The following PAPLN variants were observed in gnomAD, a reference collection of about 807,000 sequenced individuals.
The protein encoded by PAPLN is papilin, proteoglycan like sulfated glycoprotein, also known as papilin.
Under a neutral mutation model 159.0 loss-of-function variants are expected in PAPLN, and 146 were observed. The ratio of observed to expected loss-of-function variants is 0.92; its 90% CI spans 0.80 to 1.05. PAPLN has a LOEUF of 1.05. PAPLN is among the 50% of genes least tolerant of loss of function. The probability of loss-of-function intolerance (pLI) is 0.00; values close to 1 mark genes in which losing one functional copy is unlikely to be tolerated. For synonymous variants in PAPLN, 734 were observed against 702.9 expected (o/e 1.04, Z -0.70); for missense variants, 1,720 against 1,743.9 (o/e 0.99, Z 0.24).
chr14:73,269,079 A>C (rs1887474062), intron 26 of PAPLN, among the ~76,000 whole-genome samples: 1 of 152,190 alleles, frequency 6.6e-6, no homozygotes, highest in African/African-American at 2.4e-5. Flanking sequence ...CTTAAGGCAG[A>C]CCACTAAAAT....
At chr14:73,272,271 T>C (rs1887800958) in intron 26 of PAPLN, 1 of 400,022 alleles carries the variant, frequency 2.5e-6, no homozygotes, top group Middle Eastern at 6.6e-4. Flanking sequence ...CAAATAATAA[T>C]GGGAGGACCA....
chr14:73,241,975 C>T (rs965748385), intron 2 of PAPLN, among the ~76,000 whole-genome samples: 15 of 152,182 alleles, frequency 9.9e-5, no homozygotes, highest in South Asian at 2.1e-4. Context: ...GGGCGCCTAG[C>T]GCAGCATGAG....
At chr14:73,239,934 A>C in intron 2 of PAPLN, 102 bp downstream of exon 2, 1 of 1,455,300 alleles carries the variant, frequency 6.9e-7, no homozygotes, top group Non-Finnish European at 9.0e-7. Flanking sequence ...GGGCGATGTC[A>C]GGGAAGCTGG....
intron 2 of PAPLN, 57 bp from the exon 3 acceptor site, chr14:73,244,587 G>A: frequency 7.1e-7 from 1 of 1,410,300 alleles, no homozygotes; most frequent in Non-Finnish European, 9.8e-7. Flanking sequence ...CTTTGGAGGG[G>A]CCTCTGGGCT....
chr14:73,261,023 T>C, intron 17 of PAPLN, 133 bp from the exon 18 acceptor site: 1 of 1,480,976 alleles, frequency 6.8e-7, no homozygotes, highest in East Asian at 2.4e-5. Flanking sequence ...TCATCCAACA[T>C]TCTCCTGGCC....
chr14:73,264,623 A>G lies in PAPLN; in HGVS notation c.3022A>G (p.Ser1008Gly). 1 of 1,603,538 alleles carries G rather than the reference A, an allele frequency of 6.2e-7. No individual in the cohort carries two copies. The highest frequency in any genetic ancestry group is 8.5e-7 in the Non-Finnish European group (1 of 1,177,398). ...DMAVLSEAEL[S>G]RFPQPRDPAQ... ...GGCCGTGCTGTCTGAGGCTGAGCTG[A>G]GCCGCTTCCCTCAGCCCAGGGACCC... Residue 1008 changes from serine to glycine, a missense_variant, in exon 22 of 27, where the codon AGC (serine) becomes GGC (glycine). By Grantham distance (56) the Ser-to-Gly change is moderately conservative (BLOSUM62 0). Coordinates refer to ENST00000644200, the MANE Select transcript of PAPLN (RefSeq NM_001365906.3).
chr14:73,264,433 G>T (rs1420745150), intron 21 of PAPLN, 98 bp downstream of exon 21: 79 of 1,536,780 alleles, frequency 5.1e-5, no homozygotes, highest in Non-Finnish European at 6.8e-5. Flanking sequence ...CGCTAGAGGG[G>T]CCCAGGGTGT....
chr14:73,246,835 C>G (rs1222013773), intron 5 of PAPLN: 1 of 152,028 alleles, frequency 6.6e-6, no homozygotes, highest in East Asian at 1.9e-4. Flanking sequence ...CTGTGCTAAT[C>G]TCTGTATCGT....
Position 73,244,526 on chromosome 14 carries a change from G to A in PAPLN, c.55-118G>A, listed in dbSNP as rs1883969553. On this transcript the variant is annotated intron_variant, in intron 2 of 26. Transcript: ENST00000644200. ...TGAGTCCTAAAGGTGGGCCCTGGAA[G>A]GGAGAATCCCAGACTCCTTGATGGG... The A allele has an allele frequency of 8.5e-6, 7 of 825,166 alleles. No individual in the cohort carries two copies. The East Asian group carries it at 1.6e-4, about 19-fold the overall frequency. The allele number at this position is 825,166 out of a possible 1,614,324, so 51.1% of individuals were successfully genotyped here.
At chr14:73,270,154 C>T (rs1038338541) in intron 26 of PAPLN, among the ~76,000 whole-genome samples, 2 of 152,210 alleles carry the variant, frequency 1.3e-5, no homozygotes, top group African/African-American at 4.8e-5. Context: ...CCGCCTTGAC[C>T]TCTGTCCGGG....
chr14:73,260,223 G>A (rs177390), intron 16 of PAPLN, among the ~76,000 whole-genome samples: 1,887 of 152,274 alleles, frequency 0.012, 46 homozygotes, highest in African/African-American at 0.042. Context: ...TGAGGGTGAA[G>A]TGCATCACAG....
At chr14:73,244,560 G>A (rs1240149843) in intron 2 of PAPLN, 84 bp from the exon 3 acceptor site, 8 of 1,182,494 alleles carry the variant, frequency 6.8e-6, no homozygotes, top group South Asian at 5.3e-5. Context: ...GGTAGGGGAG[G>A]GTTTTAGGCA....
rs1886426670 is a variant in PAPLN at position 73,260,410 on chromosome 14, A to G, written c.1986-299A>G. Among the ~76,000 whole-genome samples the G allele has an allele frequency of 2.0e-5, 3 of 152,156 alleles. No homozygotes were observed. In the East Asian group the frequency reaches 5.8e-4, roughly 29 times the overall value. On this transcript the variant is annotated intron_variant, in intron 16 of 26. Coordinates refer to ENST00000644200, the MANE Select transcript of PAPLN (RefSeq NM_001365906.3). ...TGAACTGACATTTGGTCAGGCTCAG[A>G]TGAACATCCCCCTTCTTTGTTTTGT...
At position 73,259,013 on chromosome 14, in the gene PAPLN, C is replaced by A. The variant is rs1167333107; in HGVS notation, c.1662C>A (p.Ala554=). The part of the protein sequence containing the change: ...VPSMQDVHTP[A]SNPWMPLGPQ... ...GCATGCAGGATGTGCACACCCCTGC[C>A]AGCAACCCCTGGATGCCGTTGGGCC... The change falls in exon 15 of 27, where the codon GCC becomes GCA. Residue 554 remains alanine (A), a synonymous_variant. Transcript: ENST00000644200. The A allele has an allele frequency of 6.2e-7, 1 of 1,612,882 alleles. No homozygotes were observed. The highest frequency in any genetic ancestry group is 1.7e-5 in the Admixed American group (1 of 59,868).
intron 7 of PAPLN, among the ~76,000 whole-genome samples, 164 bp from the exon 8 acceptor site, chr14:73,251,322 C>T (rs764242617): frequency 5.3e-5 from 8 of 152,182 alleles, no homozygotes; most frequent in Admixed American, 3.9e-4. Flanking sequence ...TTTTGTACTG[C>T]GGCCTCTTCT....
intron 12 of PAPLN, among the ~76,000 whole-genome samples, chr14:73,254,167 G>C (rs1254194901): frequency 1.3e-5 from 2 of 152,216 alleles, no homozygotes; most frequent in African/African-American, 4.8e-5. Flanking sequence ...CAGGATCCCA[G>C]GGCAGGGCAG....
intron 5 of PAPLN, among the ~76,000 whole-genome samples, chr14:73,247,825 T>C (rs1884668850): frequency 7.7e-6 from 1 of 130,378 alleles, no homozygotes; most frequent in African/African-American, 2.8e-5. Flanking sequence ...TGTGTGTGTG[T>C]GTGTGTGTGT....
At position 73,245,669 on chromosome 14, in the gene PAPLN, C is replaced by A; in HGVS notation, c.204C>A (p.Ala68=). Reference sequence around the variant, plus strand: ...GAGGCTCCAGCTGCGTGGGCCCCGCCCGGAGCCACCGCTCTTGTCGCACGG... The same window carrying A: ...GAGGCTCCAGCTGCGTGGGCCCCGCACGGAGCCACCGCTCTTGTCGCACGG... ...RDGGSSCVGP[A]RSHRSCRTES... is the part of the protein sequence containing the mutation. Residue 68 remains alanine, a synonymous_variant, in exon 4 of 27, where the codon GCC becomes GCA. Coordinates refer to ENST00000644200, the MANE Select transcript of PAPLN (RefSeq NM_001365906.3). This position sits in a 1 kb window ranked among gnomAD's most constrained non-coding sequence, Gnocchi z 4.2. The A allele has an allele frequency of 5.1e-6, 8 of 1,556,076 alleles. No individual in the cohort carries two copies. Among genetic ancestry groups the A allele is most frequent in the Non-Finnish European group, 6.9e-6 (8 of 1,152,800 alleles).
chr14:73,245,344 T>C lies in PAPLN; in HGVS notation c.171-292T>C. 4.4e-6 allele frequency: 2 copies of C among 452,800 alleles called. No individual in the cohort carries two copies. Among genetic ancestry groups the C allele is most frequent in the East Asian group, 4.1e-5 (1 of 24,420 alleles). 28.0% of individuals were successfully genotyped at this position (452,800 alleles called of 1,614,324 possible). A position where few individuals can be genotyped will look rare whatever the true frequency, so the allele number is the denominator to read the frequency against. ...GGCTGTGCCAAGCGGGTGGGTATTATATCTCATGCACCTCGGGTCTTCTCT... is the reference window on the plus strand; with the variant it reads ...GGCTGTGCCAAGCGGGTGGGTATTACATCTCATGCACCTCGGGTCTTCTCT... On this transcript the variant is annotated intron_variant, in intron 3 of 26. Coordinates refer to ENST00000644200, the MANE Select transcript of PAPLN (RefSeq NM_001365906.3). The surrounding 1 kb of genome is among the most constrained non-coding windows in gnomAD (Gnocchi z 4.2).
Sources: gnomAD v4.1 joint callset for allele counts (sites outside exome capture counted in the v4.1 genomes callset) on GRCh38, gnomAD v4.1.1 for gene constraint, Gnocchi (gnomAD v3.1) non-coding constraint, MANE v1.5 for transcripts, NCBI Gene and HGNC (gene_info 2026-07-23, HGNC 2026-07-21) for gene names.